Variants in ANKRD18B observed in about 807,000 individuals in gnomAD.
The protein encoded by ANKRD18B is ankyrin repeat domain 18B, also known as ankyrin repeat domain-containing protein 18B.
In ANKRD18B, 75 loss-of-function variants were observed where a neutral mutation model predicts 111.8. The ratio of observed to expected loss-of-function variants is 0.67; its 90% CI spans 0.56 to 0.81. The LOEUF is 0.81. ANKRD18B is among the 40% of genes least tolerant of loss of function. ANKRD18B has a pLI of 0.00. For synonymous variants in ANKRD18B, 356 were observed against 417.3 expected (o/e 0.85, Z 1.79); for missense variants, 1,038 against 1,225.5 (o/e 0.85, Z 2.28).
At chr9:33,537,500 AT>A (rs1828218939) in intron 6 of ANKRD18B, among the ~76,000 whole-genome samples, 2 of 152,138 alleles carry the variant, frequency 1.3e-5, no homozygotes, top group African/African-American at 4.8e-5. Context: ...AATTCTACAT[AT>A]TTTTGTATTA....
intron 3 of ANKRD18B, among the ~76,000 whole-genome samples, chr9:33,532,884 A>C (rs1828137442): frequency 2.0e-5 from 3 of 152,188 alleles, no homozygotes; most frequent in Admixed American, 2.0e-4. Flanking sequence ...AGGGATTTCT[A>C]GATTGTTGGC....
At chr9:33,547,858 A>AT in intron 10 of ANKRD18B, 80 bp from the exon 11 acceptor site, 1 of 1,008,876 alleles carries the variant, frequency 9.9e-7, no homozygotes, top group Non-Finnish European at 1.4e-6. Context: ...GCATGAATGT[A>AT]TAGGTTGCTC....
At chr9:33,540,613 T>C (rs1380850442) in intron 8 of ANKRD18B, among the ~76,000 whole-genome samples, 1 of 152,114 alleles carries the variant, frequency 6.6e-6, no homozygotes, top group African/African-American at 2.4e-5. Context: ...TAGATTCAAT[T>C]TGAGATTTAG....
chr9:33,574,774 A>T (rs970052565), downstream of ANKRD18B, among the ~76,000 whole-genome samples: 12 of 152,248 alleles, frequency 7.9e-5, 1 homozygote, highest in Middle Eastern at 0.014. Flanking sequence ...ATACACAAAC[A>T]CAATGCATGC....
intron 1 of ANKRD18B, 140 bp downstream of exon 1, chr9:33,524,835 G>T: frequency 2.8e-6 from 3 of 1,068,878 alleles, no homozygotes; most frequent in Non-Finnish European, 4.0e-6. Flanking sequence ...CCATCGCTGG[G>T]AATTTCCCGC....
chr9:33,566,549 T>C (rs1006336226), intron 15 of ANKRD18B, 49 bp downstream of exon 15: 1 of 1,570,334 alleles, frequency 6.4e-7, no homozygotes, highest in Non-Finnish European at 8.6e-7. Flanking sequence ...CTTTCATTTA[T>C]TTCACTGCAA....
chr9:33,541,104 T>C, intron 8 of ANKRD18B, 43 bp from the exon 9 acceptor site: 2 of 1,536,566 alleles, frequency 1.3e-6, no homozygotes, highest in East Asian at 2.4e-5. Context: ...AGAGGGATGA[T>C]GTTTTCCAGA....
rs1426140483 is a variant in ANKRD18B, at chr9:33,558,123, G to A, written c.2396G>A (p.Cys799Tyr). The A allele has an allele frequency of 6.8e-6, 11 of 1,612,208 alleles. No homozygotes were observed. The highest frequency in any genetic ancestry group is 9.3e-6 in the Non-Finnish European group (11 of 1,179,282). The change falls in exon 14 of 19, where the codon TGC becomes TAC. Residue 799 changes from cysteine to tyrosine, a missense_variant. Cys to Tyr is a radical substitution (Grantham distance 194). Coordinates refer to ENST00000684830, the MANE Select transcript of ANKRD18B (RefSeq NM_001393611.1). ...LNAFANEDFS[C>Y]HGDLNTDQLK... ...GCATTTGCAAATGAAGACTTCAGTT[G>A]CCATGGAGACTTAAATACAGACCAA...
In ANKRD18B at chr9:33,567,141, C is replaced by CAAGGATAATACGGCTTCACTAAAAAAG; in HGVS notation, c.2787_2813dup (p.Asp929_Lys937dup). The CAAGGATAATACGGCTTCACTAAAAAAG allele has an allele frequency of 1.3e-6, 2 of 1,542,466 alleles. No homozygotes were observed. The highest frequency in any genetic ancestry group is 1.7e-6 in the Non-Finnish European group (2 of 1,144,736). ...ATGAAAAACAATTAGAGCAGTTAAA[C>CAAGGATAATACGGCTTCACTAAAAAAG]AAGGATAATACGGCTTCACTAAAAA... On this transcript the variant is annotated inframe_insertion, in exon 16 of 19. Coordinates refer to ENST00000684830, the MANE Select transcript of ANKRD18B (RefSeq NM_001393611.1).
rs762083070 is a variant in ANKRD18B, at chr9:33,524,675, C to T, written c.186C>T (p.Asp62=). 3 of 1,550,498 alleles carry T rather than the reference C, an allele frequency of 1.9e-6. No homozygotes were observed. Among genetic ancestry groups the T allele is most frequent in the Non-Finnish European group, 2.6e-6 (3 of 1,146,606 alleles). Residue 62 remains aspartate (D), a synonymous_variant, in exon 1 of 19, where the codon GAC becomes GAT. Coordinates refer to ENST00000684830, the MANE Select transcript of ANKRD18B (RefSeq NM_001393611.1). ...TGACGCGCAGGTTCCGGGACTTGGA[C>T]GTCCGCGACAGAAAAGACAGGTAGC... ...HCLTRRFRDL[D]VRDRKDRTVL... is the part of the protein sequence containing the mutation.
At chr9:33,531,553 A>C (rs1828117183) in intron 3 of ANKRD18B, among the ~76,000 whole-genome samples, 1 of 150,050 alleles carries the variant, frequency 6.7e-6, no homozygotes, top group Non-Finnish European at 1.5e-5. Flanking sequence ...TGCTGCGCAG[A>C]GGTTGCCCTG....
chr9:33,528,652 T>G lies in ANKRD18B; in HGVS notation c.207-75T>G. On this transcript the variant is annotated intron_variant, in intron 1 of 18. Coordinates refer to ENST00000684830, the MANE Select transcript of ANKRD18B (RefSeq NM_001393611.1). ...GGCAGAGGAATAATGCCATTCAATGTTTACAATGACATGAACCATTGTAGG... is the reference window on the plus strand; with the variant it reads ...GGCAGAGGAATAATGCCATTCAATGGTTACAATGACATGAACCATTGTAGG... 8 of 1,246,898 alleles carry G rather than the reference T, an allele frequency of 6.4e-6. No individual in the cohort carries two copies. The South Asian group carries it at 1.3e-4, about 20-fold the overall frequency. The allele number at this position is 1,246,898 out of a possible 1,614,324, so 77.2% of individuals were successfully genotyped here.
At position 33,547,963 on chromosome 9, in the gene ANKRD18B, AG is replaced by A. The variant is rs1563903734; in HGVS notation, c.1177del (p.Asp393MetfsTer9). The A allele has an allele frequency of 6.9e-6, 10 of 1,440,656 alleles. No individual in the cohort carries two copies. The highest frequency in any genetic ancestry group is 8.2e-6 in the Non-Finnish European group (9 of 1,096,080). The allele number at this position is 1,440,656 out of a possible 1,614,324, so 89.2% of individuals were successfully genotyped here. ...PQDSQSYGKKKDEMFGNFMLK... is the reference protein window; with the variant it reads ...PQDSQSYGKKXDEMFGNFMLK... Reference sequence around the variant, plus strand: ...GATTCTCAAAGTTATGGAAAAAAGAAGGATGAGATGTTTGGAAATTTTATGT... The same window carrying A: ...GATTCTCAAAGTTATGGAAAAAAGAAGATGAGATGTTTGGAAATTTTATGT... On this transcript the variant is annotated frameshift_variant, in exon 11 of 19. Transcript: ENST00000684830. LOFTEE classifies it high-confidence loss of function.
rs148929069 is a variant in ANKRD18B, at chr9:33,532,253, T to C, written c.496-1186T>C. Among the ~76,000 whole-genome samples, 115 of 152,048 alleles carry C rather than the reference T, an allele frequency of 7.6e-4. No individual in the cohort carries two copies. In the East Asian group the frequency reaches 0.021, roughly 28 times the overall value. On this transcript the variant is annotated intron_variant, in intron 3 of 18. Transcript: ENST00000684830. ...CATTTCCAAAAAAAAAGAAAAAAAG[T>C]GCAAGTGACTTATTGGCTCTTATTA...
At chr9:33,562,754 G>A (rs1828625276) in intron 14 of ANKRD18B, among the ~76,000 whole-genome samples, 1 of 152,164 alleles carries the variant, frequency 6.6e-6, no homozygotes, top group African/African-American at 2.4e-5. Flanking sequence ...CTCAAAGTAT[G>A]CTGTGTTTAT....
At chr9:33,560,988 C>T (rs916700273) in intron 14 of ANKRD18B, among the ~76,000 whole-genome samples, 3 of 152,108 alleles carry the variant, frequency 2.0e-5, no homozygotes, top group Non-Finnish European at 4.4e-5. Context: ...AATAATGCTG[C>T]TGTAAACATT....
intron 4 of ANKRD18B, 114 bp from the exon 5 acceptor site, chr9:33,534,256 G>A (rs867039407): frequency 1.5e-6 from 2 of 1,372,344 alleles, no homozygotes; most frequent in Admixed American, 6.1e-5. Context: ...ACATGTAAAT[G>A]GTTATTATGT....
At position 33,536,934 on chromosome 9, in the gene ANKRD18B, A is replaced by T; in HGVS notation, c.797A>T (p.Asn266Ile). The T allele has an allele frequency of 1.3e-6, 2 of 1,500,200 alleles. No homozygotes were observed. The highest frequency in any genetic ancestry group is 1.8e-6 in the Non-Finnish European group (2 of 1,118,154). The allele number at this position is 1,500,200 out of a possible 1,614,324, so 92.9% of individuals were successfully genotyped here. A position where few individuals can be genotyped will look rare whatever the true frequency, so the allele number is the denominator to read the frequency against. The stretch of plus-strand genomic sequence containing the variant: ...AAGATGCTTAAAAATCATCTTCGAA[A>T]TGACAATCAAGGTAAGACTTCTGAT... ...KNKMLKNHLR[N>I]DNQEAAAMKN... Residue 266 changes from asparagine to isoleucine, a missense_variant, in exon 6 of 19, where the codon AAT (asparagine) becomes ATT (isoleucine). Asn to Ile is a moderately radical substitution (Grantham distance 149, BLOSUM62 -3). Around this residue, in one of 4 missense-constraint regions of ANKRD18B, gnomAD observed 93 missense variants for 141.3 expected, o/e 0.66. Coordinates refer to ENST00000684830, the MANE Select transcript of ANKRD18B (RefSeq NM_001393611.1).
intron 9 of ANKRD18B, among the ~76,000 whole-genome samples, chr9:33,541,451 A>G (rs1828278340): frequency 6.6e-6 from 1 of 152,182 alleles, no homozygotes; most frequent in Non-Finnish European, 1.5e-5. Context: ...GCCTGTAATG[A>G]GTCAGTGTTG....
Sources: allele counts gnomAD v4.1 joint callset (sites outside exome capture counted in the v4.1 genomes callset), GRCh38; gene constraint gnomAD v4.1.1; regional missense constraint gnomAD v4.1.1; transcripts MANE v1.5; gene names NCBI Gene and HGNC (gene_info 2026-07-23, HGNC 2026-07-21).